Variants in AKAP7 observed in about 807,000 individuals in gnomAD.
AKAP7 encodes A-kinase anchoring protein 7, also known as A kinase (PRKA) anchor protein 7.
In AKAP7, 39 loss-of-function variants were observed where a neutral mutation model predicts 39.5. That is an observed-to-expected ratio of 0.99 (90% CI 0.76 to 1.29). The LOEUF is 1.29. Ranked by LOEUF, AKAP7 falls within the 50% of genes most tolerant of loss-of-function variation. The pLI, the probability that AKAP7 is intolerant of heterozygous loss-of-function variation, is 0.00. For missense variants in AKAP7, 414 were observed against 407.7 expected, an observed-to-expected ratio of 1.02 and a Z score of -0.13; for synonymous variants, 140 against 139.1, an observed-to-expected ratio of 1.01 and a Z score of -0.05.
chr6:131,169,663 T>C (rs1584999775), intron 5 of AKAP7, among the ~76,000 whole-genome samples: 1 of 152,172 alleles, frequency 6.6e-6, no homozygotes, highest in Admixed American at 6.5e-5. Context: ...CTCATATGTG[T>C]TGGAGAACAT....
intron 7 of AKAP7, chr6:131,250,683 G>A: frequency 6.5e-7 from 1 of 1,534,992 alleles, no homozygotes; most frequent in South Asian, 1.1e-5. Context: ...TCTTCTAGGG[G>A]TAGTTTTGCT....
chr6:131,184,959 T>TG (rs1481455685), intron 5 of AKAP7: 1 of 785,068 alleles, frequency 1.3e-6, no homozygotes, highest in African/African-American at 1.7e-5. Context: ...CTTTCCCCGA[T>TG]GCTTGGGAGC....
intron 7 of AKAP7, among the ~76,000 whole-genome samples, chr6:131,279,247 A>C (rs952092850): frequency 6.6e-6 from 1 of 152,138 alleles, no homozygotes; most frequent in Admixed American, 6.6e-5. Flanking sequence ...AAACAAAAAT[A>C]GGACATCAGC....
At chr6:131,161,434 C>T (rs1443941965) in intron 3 of AKAP7, among the ~76,000 whole-genome samples, 1 of 151,636 alleles carries the variant, frequency 6.6e-6, no homozygotes, top group African/African-American at 2.4e-5. Flanking sequence ...CCCTCGAGCC[C>T]AGGAGTTTGA....
chr6:131,133,737 GATT>G (rs1408039139), upstream of AKAP7, among the ~76,000 whole-genome samples: 28 of 152,186 alleles, frequency 1.8e-4, no homozygotes, highest in African/African-American at 6.3e-4. Flanking sequence ...ACGAGAAAAG[GATT>G]ATTACACATG....
upstream of AKAP7, among the ~76,000 whole-genome samples, chr6:131,130,469 T>C (rs182468439): frequency 6.6e-6 from 1 of 152,340 alleles, no homozygotes; most frequent in East Asian, 1.9e-4. Context: ...GCTAATTTTG[T>C]ATTGTTAGTA....
chr6:131,168,695 A>G (rs1201666995), intron 4 of AKAP7, among the ~76,000 whole-genome samples: 1 of 152,192 alleles, frequency 6.6e-6, no homozygotes, highest in Non-Finnish European at 1.5e-5. Flanking sequence ...GTGCCTCACA[A>G]ATATATGTAC....
intron 7 of AKAP7, among the ~76,000 whole-genome samples, chr6:131,257,367 C>CAAAA: frequency 1.1e-5 from 1 of 89,590 alleles, no homozygotes; most frequent in Admixed American, 1.2e-4. Context: ...GGCCTTGTCT[C>CAAAA]AAAAAAAAAA....
At chr6:131,183,143 CG>C (rs1444616341) in intron 5 of AKAP7, among the ~76,000 whole-genome samples, 2 of 151,908 alleles carry the variant, frequency 1.3e-5, no homozygotes, top group Non-Finnish European at 2.9e-5. Context: ...CAGGAACTAA[CG>C]AAAGGAAAAA....
upstream of AKAP7, among the ~76,000 whole-genome samples, chr6:131,134,265 C>T (rs772886071): frequency 6.6e-6 from 1 of 152,142 alleles, no homozygotes; most frequent in South Asian, 2.1e-4. Flanking sequence ...AGCCACTGGG[C>T]CCGGCCTGGT....
chr6:131,251,800 A>G (rs1035176787), intron 7 of AKAP7, among the ~76,000 whole-genome samples: 13 of 152,316 alleles, frequency 8.5e-5, no homozygotes, highest in African/African-American at 2.9e-4. Flanking sequence ...CCTTACAACA[A>G]AGTCATTCAC....
intron 1 of AKAP7, among the ~76,000 whole-genome samples, chr6:131,139,676 T>A (rs1298545129): frequency 1.3e-5 from 2 of 152,240 alleles, no homozygotes; most frequent in Non-Finnish European, 2.9e-5. Flanking sequence ...ATCACATTTA[T>A]TCATTCAGTA....
intron 7 of AKAP7, among the ~76,000 whole-genome samples, chr6:131,234,218 G>T (rs935555827): frequency 6.6e-6 from 1 of 152,092 alleles, no homozygotes; most frequent in African/African-American, 2.4e-5. Context: ...TATTGAACAG[G>T]TATCTATTGA....
chr6:131,252,968 C>T, intron 7 of AKAP7: 1 of 1,544,924 alleles, frequency 6.5e-7, no homozygotes, highest in Non-Finnish European at 8.9e-7. Flanking sequence ...GAAGGTAGCC[C>T]AAATTATGGA....
chr6:131,188,867 G>T (rs1430538091), intron 5 of AKAP7, among the ~76,000 whole-genome samples: 1 of 152,052 alleles, frequency 6.6e-6, no homozygotes, highest in African/African-American at 2.4e-5. Context: ...ATCAAAAATT[G>T]AACTTGCCAT....
chr6:131,129,867 T>C, the AKAP7 span, among the ~76,000 whole-genome samples: 1 of 152,242 alleles, frequency 6.6e-6, no homozygotes, highest in Non-Finnish European at 1.5e-5. Context: ...GTCATCCTTT[T>C]TTGTAACCAT....
chr6:131,206,877 G>T (rs571583454), intron 6 of AKAP7, among the ~76,000 whole-genome samples: 1 of 152,200 alleles, frequency 6.6e-6, no homozygotes, highest in East Asian at 1.9e-4. Flanking sequence ...ACTTTTGGGG[G>T]TCTGCATGAC....
chr6:131,141,919 GC>G (rs1315631704), intron 1 of AKAP7, among the ~76,000 whole-genome samples: 1 of 58,796 alleles, frequency 1.7e-5, no homozygotes, highest in Non-Finnish European at 3.4e-5. Flanking sequence ...TTTTTTTTTT[GC>G]AACAGGGTCT....
At chr6:131,167,092 T>G (rs918669570) in intron 4 of AKAP7, among the ~76,000 whole-genome samples, 4 of 152,322 alleles carry the variant, frequency 2.6e-5, no homozygotes, top group East Asian at 1.9e-4. Context: ...TGTCTTAGTT[T>G]GAAATACAAC....
Sources: gnomAD v4.1 joint callset for allele counts (sites outside exome capture counted in the v4.1 genomes callset) on GRCh38, gnomAD v4.1.1 for gene constraint, MANE v1.5 for transcripts, NCBI Gene and HGNC (gene_info 2026-07-23, HGNC 2026-07-21) for gene names.